The following LGR6 variants were observed in gnomAD, a reference collection of about 807,000 sequenced individuals.
The protein encoded by LGR6 is leucine-rich repeat-containing G protein-coupled receptor 6.
In LGR6, 45 loss-of-function variants were observed where a neutral mutation model predicts 69.4. The ratio of observed to expected loss-of-function variants is 0.65; its 90% CI spans 0.51 to 0.83. The LOEUF (loss-of-function observed/expected upper bound fraction) is 0.83, where lower values mean the gene tolerates loss of function less well. Ranked by LOEUF, LGR6 falls within the 40% of genes least tolerant of loss-of-function variation. The probability of loss-of-function intolerance (pLI) is 0.00; values close to 1 mark genes in which losing one functional copy is unlikely to be tolerated. For synonymous variants in LGR6, 538 were observed against 555.0 expected (o/e 0.97, Z 0.43); for missense variants, 1,108 against 1,246.7 (o/e 0.89, Z 1.68).
rs140182035 is a variant in LGR6, at chr1:202,318,466, G to A, written c.2163G>A (p.Ala721=). The change falls in exon 18 of 18, where the codon GCG becomes GCA. Residue 721 remains alanine, a synonymous_variant. Transcript: ENST00000367278. ...YGASPLCLPY[A]PPEGQPAALG... The stretch of plus-strand genomic sequence containing the variant: ...CCTCCCCACTCTGCCTGCCCTACGC[G>A]CCACCTGAGGGTCAGCCAGCAGCCC... 79 of 1,613,200 alleles carry A rather than the reference G, an allele frequency of 4.9e-5. No homozygotes were observed. The highest frequency in any genetic ancestry group is 6.7e-5 in the African/African-American group (5 of 74,906).
intron 5 of LGR6, among the ~76,000 whole-genome samples, chr1:202,279,096 G>A (rs1471596983): frequency 6.6e-6 from 1 of 152,176 alleles, no homozygotes; most frequent in African/African-American, 2.4e-5. Context: ...ACTGGGGGAG[G>A]CAGAAGGGGG....
intron 4 of LGR6, among the ~76,000 whole-genome samples, chr1:202,261,649 G>A (rs1664244933): frequency 6.6e-6 from 1 of 152,144 alleles, no homozygotes; most frequent in South Asian, 2.1e-4. Flanking sequence ...GATCCCTGAG[G>A]AATCACCACA....
At chr1:202,217,410 T>C (rs1293282434) in intron 1 of LGR6, among the ~76,000 whole-genome samples, 4 of 152,178 alleles carry the variant, frequency 2.6e-5, no homozygotes, top group African/African-American at 9.7e-5. Flanking sequence ...GGACAGTCTC[T>C]GACTTCTGAC....
intron 12 of LGR6, among the ~76,000 whole-genome samples, chr1:202,305,989 A>C (rs1653147582): frequency 6.6e-6 from 1 of 152,210 alleles, no homozygotes; most frequent in Admixed American, 6.5e-5. Flanking sequence ...AGGAGTCTCA[A>C]GGTGGCTCCT....
chr1:202,228,943 A>T (rs182658848), intron 3 of LGR6, among the ~76,000 whole-genome samples: 1 of 152,272 alleles, frequency 6.6e-6, no homozygotes, highest in Non-Finnish European at 1.5e-5. Flanking sequence ...TCCTTTGTAC[A>T]GTTGAGCAGG....
chr1:202,308,941 C>T, intron 14 of LGR6, 110 bp from the exon 15 acceptor site: 4 of 1,335,812 alleles, frequency 3.0e-6, no homozygotes, highest in Non-Finnish European at 4.2e-6. Context: ...CTGTCCTTTG[C>T]TCCTCTCCTC....
chr1:202,285,690 A>G (rs1233206454), intron 6 of LGR6, among the ~76,000 whole-genome samples: 1 of 152,190 alleles, frequency 6.6e-6, no homozygotes, highest in Non-Finnish European at 1.5e-5. Flanking sequence ...GTCATTTCAC[A>G]GTGGTCCATG....
At chr1:202,273,642 A>G (rs1665297017) in intron 4 of LGR6, among the ~76,000 whole-genome samples, 1 of 151,426 alleles carries the variant, frequency 6.6e-6, no homozygotes, top group African/African-American at 2.4e-5. Context: ...TTTTTAGTAG[A>G]GACGGGGTTT....
At chr1:202,298,938 G>C (rs1667373843) in intron 7 of LGR6, among the ~76,000 whole-genome samples, 1 of 151,930 alleles carries the variant, frequency 6.6e-6, no homozygotes, top group Non-Finnish European at 1.5e-5. Context: ...GATGTAGGCA[G>C]CACATAGGGG....
chr1:202,239,053 G>C (rs1331237475), intron 4 of LGR6, among the ~76,000 whole-genome samples: 1 of 152,136 alleles, frequency 6.6e-6, no homozygotes, highest in Non-Finnish European at 1.5e-5. Flanking sequence ...CTATAAACAG[G>C]GGGCGTCTCG....
chr1:202,214,510 C>A (rs987146074), intron 1 of LGR6, among the ~76,000 whole-genome samples: 1 of 151,888 alleles, frequency 6.6e-6, no homozygotes, highest in Non-Finnish European at 1.5e-5. Context: ...CCCCCGGGGC[C>A]GCCGCTTAGC....
intron 1 of LGR6, among the ~76,000 whole-genome samples, chr1:202,210,334 G>T (rs1405403427): frequency 6.6e-6 from 1 of 151,228 alleles, no homozygotes; most frequent in African/African-American, 2.4e-5. Flanking sequence ...TCTGCACATG[G>T]ATGCTCAAAA....
In LGR6 at chr1:202,263,820, C is replaced by A. The variant is rs2148115270; in HGVS notation, c.429-12486C>A. Among the ~76,000 whole-genome samples the A allele has an allele frequency of 1.3e-5, 2 of 152,252 alleles. 1 individual carries two copies. The highest frequency in any genetic ancestry group is 4.1e-4 in the South Asian group (2 of 4,822). On this transcript the variant is annotated intron_variant, in intron 4 of 17. Transcript: ENST00000367278. ...TGTACTGTGGGACAAAGAGGTAAGG[C>A]AAGAGGCACATTTGCATATGAAATA...
At chr1:202,269,091 A>G (rs974617698) in intron 4 of LGR6, among the ~76,000 whole-genome samples, 1 of 151,944 alleles carries the variant, frequency 6.6e-6, no homozygotes, top group Non-Finnish European at 1.5e-5. Context: ...TTTTTTCTAG[A>G]GAGGGTGTCT....
intron 6 of LGR6, among the ~76,000 whole-genome samples, chr1:202,284,825 G>A (rs554009454): frequency 2.0e-5 from 3 of 152,328 alleles, no homozygotes; most frequent in African/African-American, 7.2e-5. Flanking sequence ...ACCCAGGAGG[G>A]GACAGGGCCC....
At chr1:202,291,837 C>T (rs180784681) in intron 6 of LGR6, among the ~76,000 whole-genome samples, 15 of 152,324 alleles carry the variant, frequency 9.8e-5, no homozygotes, top group Admixed American at 9.2e-4. Context: ...AGAACCATGA[C>T]TATTACATAG....
intron 4 of LGR6, among the ~76,000 whole-genome samples, chr1:202,253,657 C>G (rs1436149112): frequency 9.7e-6 from 1 of 102,924 alleles, no homozygotes; most frequent in African/African-American, 3.8e-5. Flanking sequence ...GAGACGAAGT[C>G]TCACTCTGTC....
intron 4 of LGR6, among the ~76,000 whole-genome samples, chr1:202,275,966 C>G (rs1330212342): frequency 6.6e-6 from 1 of 152,080 alleles, no homozygotes; most frequent in East Asian, 1.9e-4. Context: ...TGGGGTCATT[C>G]ATAGAAACAT....
At chr1:202,218,423 C>A (rs1004187086) in intron 1 of LGR6, among the ~76,000 whole-genome samples, 1 of 152,152 alleles carries the variant, frequency 6.6e-6, no homozygotes, top group African/African-American at 2.4e-5. Flanking sequence ...CTCAGCCTTC[C>A]AAGTAGCTGG....
Sources: allele counts gnomAD v4.1 joint callset (sites outside exome capture counted in the v4.1 genomes callset), GRCh38; gene constraint gnomAD v4.1.1; transcripts MANE v1.5; gene names NCBI Gene and HGNC (gene_info 2026-07-23, HGNC 2026-07-21).